TDRP: variants seen among roughly 807,000 people sequenced by gnomAD.
TDRP encodes testis development related protein.
Under a neutral mutation model 10.5 loss-of-function variants are expected in TDRP, and 12 were observed. The ratio of observed to expected loss-of-function variants is 1.15; its 90% CI spans 0.73 to 1.86. TDRP has a LOEUF of 1.86. TDRP is among the 40% of genes most tolerant of loss of function. TDRP has a pLI of 0.00. For synonymous variants in TDRP, 139 were observed against 95.4 expected, an observed-to-expected ratio of 1.46 and a Z score of -2.67; for missense variants, 353 against 229.2, an observed-to-expected ratio of 1.54 and a Z score of -3.49.
intron 1 of TDRP, among the ~76,000 whole-genome samples, chr8:521,146 T>C (rs189772550): frequency 6.8e-6 from 1 of 147,348 alleles, no homozygotes; most frequent in East Asian, 2.0e-4. Flanking sequence ...CTCACACCTG[T>C]AATCCCAGCA....
At chr8:541,700 A>G (rs1400299522) in intron 1 of TDRP, among the ~76,000 whole-genome samples, 1 of 152,208 alleles carries the variant, frequency 6.6e-6, no homozygotes, top group Non-Finnish European at 1.5e-5. Flanking sequence ...TTCAAGACAA[A>G]GAGAAACCAC....
At chr8:496,715 G>C (rs1299208201) in intron 1 of TDRP, among the ~76,000 whole-genome samples, 1 of 152,206 alleles carries the variant, frequency 6.6e-6, no homozygotes, top group Non-Finnish European at 1.5e-5. Context: ...GTGTGATACG[G>C]TGTGGCTCTG....
At chr8:505,849 A>C (rs1415569419) in intron 1 of TDRP, among the ~76,000 whole-genome samples, 1 of 152,180 alleles carries the variant, frequency 6.6e-6, no homozygotes, top group Non-Finnish European at 1.5e-5. Context: ...AATCACACGC[A>C]AAGTCAGCAC....
At chr8:540,809 A>T (rs1260250351) in intron 1 of TDRP, among the ~76,000 whole-genome samples, 2 of 22,356 alleles carry the variant, frequency 8.9e-5, no homozygotes, top group African/African-American at 1.2e-4. Flanking sequence ...TTTCACGTAA[A>T]AAAAAAAAAA....
chr8:520,508 A>C (rs1801874914), intron 1 of TDRP, among the ~76,000 whole-genome samples: 1 of 152,136 alleles, frequency 6.6e-6, no homozygotes, highest in African/African-American at 2.4e-5. Context: ...TAACTTTTTG[A>C]TAAATCTCTA....
intron 1 of TDRP, among the ~76,000 whole-genome samples, chr8:542,030 G>A (rs1802508314): frequency 6.6e-6 from 1 of 152,104 alleles, no homozygotes; most frequent in Non-Finnish European, 1.5e-5. Flanking sequence ...CCCTCCAGAG[G>A]GTGAAGGGAT....
intron 1 of TDRP, among the ~76,000 whole-genome samples, chr8:503,788 A>G (rs1007127436): frequency 1.4e-5 from 2 of 143,932 alleles, no homozygotes; most frequent in Admixed American, 1.4e-4. Context: ...ACACACTGGA[A>G]CCCATGCCCA....
intron 1 of TDRP, among the ~76,000 whole-genome samples, chr8:505,506 G>A (rs932268872): frequency 6.6e-6 from 1 of 152,186 alleles, no homozygotes; most frequent in African/African-American, 2.4e-5. Flanking sequence ...AATCCAGACT[G>A]CAGGTGCAGG....
At chr8:509,191 G>A (rs1471314016) in intron 1 of TDRP, among the ~76,000 whole-genome samples, 3 of 152,202 alleles carry the variant, frequency 2.0e-5, no homozygotes, top group Non-Finnish European at 4.4e-5. Context: ...CAGGCATATG[G>A]TGCAAACTGT....
intron 1 of TDRP, among the ~76,000 whole-genome samples, chr8:512,569 C>T (rs1026913739): frequency 4.0e-5 from 6 of 151,646 alleles, no homozygotes; most frequent in Non-Finnish European, 8.8e-5. Context: ...TATAAAGAAA[C>T]ATTGTCCATC....
Position 491,296 on chromosome 8 carries a change from T to C in TDRP, c.*1103A>G, listed in dbSNP as rs943366526. ...TACTTTTAAACAAAAAAGAAAAATA[T>C]ACCTTTTCTTTCAAACCACTTTTAT... On this transcript the variant is annotated 3_prime_UTR_variant, in exon 3 of 3. Coordinates refer to ENST00000324079, the MANE Select transcript of TDRP (RefSeq NM_001384899.1). 16 of 257,418 alleles carry C rather than the reference T, an allele frequency of 6.2e-5. No individual in the cohort carries two copies. The East Asian group carries it at 1.1e-3, about 17-fold the overall frequency. The allele number at this position is 257,418 out of a possible 1,614,324, so 15.9% of individuals were successfully genotyped here.
intron 2 of TDRP, among the ~76,000 whole-genome samples, chr8:493,663 G>GA (rs1192160281): frequency 2.0e-5 from 3 of 152,192 alleles, no homozygotes; most frequent in African/African-American, 7.2e-5. Flanking sequence ...TAAAAATTCT[G>GA]AAACACTGAT....
intron 1 of TDRP, among the ~76,000 whole-genome samples, chr8:518,363 T>A (rs1801811981): frequency 6.6e-6 from 1 of 152,134 alleles, no homozygotes. Flanking sequence ...CCAACAGGCA[T>A]GGGTACACAT....
intron 1 of TDRP, among the ~76,000 whole-genome samples, chr8:541,729 G>A (rs1047669892): frequency 6.6e-6 from 1 of 152,166 alleles, no homozygotes; most frequent in African/African-American, 2.4e-5. Context: ...TACTAGGATG[G>A]ACAAAGTCTA....
intron 1 of TDRP, among the ~76,000 whole-genome samples, chr8:502,868 C>T (rs1470997274): frequency 3.3e-5 from 5 of 152,040 alleles, no homozygotes; most frequent in African/African-American, 1.2e-4. Context: ...CCCACCTCAG[C>T]ATGCACCAAC....
At chr8:516,149 C>T (rs1165486144) in intron 1 of TDRP, among the ~76,000 whole-genome samples, 7 of 152,062 alleles carry the variant, frequency 4.6e-5, no homozygotes, top group Admixed American at 6.5e-5. Context: ...TCCGGTAGAG[C>T]GGTTCCTAAA....
intron 1 of TDRP, chr8:494,875 T>A (rs1801084484): frequency 3.7e-6 from 1 of 267,868 alleles, no homozygotes; most frequent in Non-Finnish European, 7.1e-6. Flanking sequence ...AAAAAGCTTA[T>A]GAAAGTGATG....
At position 491,870 on chromosome 8, in the gene TDRP, G is replaced by T. The variant is rs552943415; in HGVS notation, c.*529C>A. On this transcript the variant is annotated 3_prime_UTR_variant, in exon 3 of 3. Coordinates refer to ENST00000324079, the MANE Select transcript of TDRP (RefSeq NM_001384899.1). ...CCCAAATATAAGCTTTGCTTTTCCA[G>T]TATTTGTTTACGTATTTGTTTAATA... The T allele has an allele frequency of 2.5e-6, 3 of 1,193,340 alleles. No individual in the cohort carries two copies. The highest frequency in any genetic ancestry group is 1.6e-5 in the African/African-American group (1 of 63,556). The allele number at this position is 1,193,340 out of a possible 1,614,324, so 73.9% of individuals were successfully genotyped here. A position where few individuals can be genotyped will look rare whatever the true frequency, so the allele number is the denominator to read the frequency against.
At chr8:503,574 T>G (rs1408491500) in intron 1 of TDRP, among the ~76,000 whole-genome samples, 1 of 129,806 alleles carries the variant, frequency 7.7e-6, no homozygotes, top group Non-Finnish European at 1.6e-5. Context: ...CAACACAGAA[T>G]CCAAAGCCAC....
Sources: allele counts gnomAD v4.1 joint callset (sites outside exome capture counted in the v4.1 genomes callset), GRCh38; gene constraint gnomAD v4.1.1; transcripts MANE v1.5; gene names NCBI Gene and HGNC (gene_info 2026-07-23, HGNC 2026-07-21).